Variants in NPC1 observed in about 807,000 individuals in gnomAD.
NPC1 encodes NPC intracellular cholesterol transporter 1, also known as Niemann-Pick C1 protein.
Under a neutral mutation model 140.4 loss-of-function variants are expected in NPC1, and 85 were observed. That is an observed-to-expected ratio of 0.61 (90% CI 0.51 to 0.72). The LOEUF is 0.72. Among genes scored for constraint, NPC1 ranks in the 30% least tolerant of loss-of-function variants. NPC1 has a pLI of 0.00. For missense variants in NPC1, 1,504 were observed against 1,623.8 expected, an observed-to-expected ratio of 0.93 and a Z score of 1.27; for synonymous variants, 656 against 624.8, an observed-to-expected ratio of 1.05 and a Z score of -0.74.
intron 20 of NPC1, 148 bp downstream of exon 20, chr18:23,538,394 G>T: frequency 1.0e-6 from 1 of 994,564 alleles, no homozygotes; most frequent in Non-Finnish European, 1.6e-6. Flanking sequence ...AGGTGTTTTC[G>T]GTTTTCCTGC....
chr18:23,527,831 T>C (rs1433963745), downstream of NPC1: 2 of 1,614,178 alleles, frequency 1.2e-6, no homozygotes, highest in Non-Finnish European at 1.7e-6. Context: ...CTGCCCGTGA[T>C]AGCCACTGTT....
At chr18:23,530,299 T>G, downstream of NPC1, 1 of 1,614,260 alleles carries the variant, frequency 6.2e-7, no homozygotes. Context: ...ATGCTGAAGG[T>G]AACTCTGATG....
chr18:23,552,622 C>G (rs2058890206), intron 9 of NPC1, among the ~76,000 whole-genome samples: 1 of 152,244 alleles, frequency 6.6e-6, no homozygotes, highest in African/African-American at 2.4e-5. Flanking sequence ...CAAGAGGCAA[C>G]TGGCAGTGCA....
Position 23,556,538 on chromosome 18 carries a change from G to C in NPC1, c.1031C>G (p.Ser344Cys). Residue 344 changes from serine to cysteine, a missense_variant, in exon 8 of 25, where the codon TCT becomes TGT. Ser to Cys is a moderately radical substitution (Grantham distance 112). Transcript: ENST00000269228. Reference sequence around the variant, plus strand: ...ACAGCCAGGGTTTCGGACGCAGAAAGACCCCCAGCGTGTGAACAGCCGCCT... The same window carrying C: ...ACAGCCAGGGTTTCGGACGCAGAAACACCCCCAGCGTGTGAACAGCCGCCT... ...CLRRLFTRWG[S>C]FCVRNPGCVI... 6.2e-7 allele frequency: 1 copy of C among 1,614,154 alleles called. No individual in the cohort carries two copies. Among genetic ancestry groups the C allele is most frequent in the Non-Finnish European group, 8.5e-7 (1 of 1,180,026 alleles).
chr18:23,527,044 T>C (rs1214266946), downstream of NPC1, among the ~76,000 whole-genome samples: 5 of 151,944 alleles, frequency 3.3e-5, no homozygotes, highest in African/African-American at 7.3e-5. Context: ...CACACACACC[T>C]CTTTCAAAAT....
At chr18:23,584,559 A>G (rs997318201) in intron 1 of NPC1, among the ~76,000 whole-genome samples, 16 of 152,226 alleles carry the variant, frequency 1.1e-4, no homozygotes, top group African/African-American at 3.6e-4. Flanking sequence ...AAAATACTTA[A>G]GAGATGGCTA....
rs114070977 is a variant in NPC1 at position 23,586,375 on chromosome 18, G to A, written c.-32C>T. The A allele has an allele frequency of 1.5e-3, 2,347 of 1,531,228 alleles. 23 individuals are homozygous for A. In the African/African-American group the frequency reaches 0.029, roughly 19 times the overall value. The allele number at this position is 1,531,228 out of a possible 1,614,324, so 94.9% of individuals were successfully genotyped here. A position where few individuals can be genotyped will look rare whatever the true frequency, so the allele number is the denominator to read the frequency against. On this transcript the variant is annotated 5_prime_UTR_variant, in exon 1 of 25. Coordinates refer to ENST00000269228, the MANE Select transcript of NPC1 (RefSeq NM_000271.5). ...GCCGCGCAAGGCTGCTGACGCCGGC[G>A]GCGTTCGGCTGGTTGGGCTCCCCGG... is the stretch of plus-strand genomic sequence containing the variant.
At chr18:23,509,211 C>A in intron 3 of NPC1, 1 of 1,426,128 alleles carries the variant, frequency 7.0e-7, no homozygotes, top group Non-Finnish European at 9.2e-7. Flanking sequence ...TGCCAACATT[C>A]TAGGATTCTG....
At chr18:23,519,599 G>A (rs775260681), downstream of NPC1, among the ~76,000 whole-genome samples, 2 of 152,148 alleles carry the variant, frequency 1.3e-5, no homozygotes, top group Non-Finnish European at 2.9e-5. Context: ...TCTTCCAGAT[G>A]GAAATGGGTT....
chr18:23,517,528 G>C (rs1197410671), downstream of NPC1, among the ~76,000 whole-genome samples: 3 of 152,084 alleles, frequency 2.0e-5, no homozygotes, highest in Non-Finnish European at 4.4e-5. Flanking sequence ...ACACAATAGA[G>C]ACTAATAAAA....
At chr18:23,553,967 C>T (rs966283155) in intron 9 of NPC1, among the ~76,000 whole-genome samples, 1 of 152,166 alleles carries the variant, frequency 6.6e-6, no homozygotes, top group Non-Finnish European at 1.5e-5. Flanking sequence ...TGAGACAGAA[C>T]AAAAGGCACC....
Position 23,561,257 on chromosome 18 carries a change from T to C in NPC1, c.631+103A>G. 10 of 1,200,484 alleles carry C rather than the reference T, an allele frequency of 8.3e-6. No individual in the cohort carries two copies. The South Asian group carries it at 1.2e-4, about 15-fold the overall frequency. 74.4% of individuals were successfully genotyped at this position (1,200,484 alleles called of 1,614,324 possible). A position where few individuals can be genotyped will look rare whatever the true frequency, so the allele number is the denominator to read the frequency against. ...GAACTCCTGGTCTTAAGCAATTCTCTTGCCTCAGTCTCCCCAAGCACTGGT... is the reference window on the plus strand; with the variant it reads ...GAACTCCTGGTCTTAAGCAATTCTCCTGCCTCAGTCTCCCCAAGCACTGGT... On this transcript the variant is annotated intron_variant, in intron 5 of 24. Coordinates refer to ENST00000269228, the MANE Select transcript of NPC1 (RefSeq NM_000271.5).
At chr18:23,580,427 T>C (rs1220448250) in intron 1 of NPC1, among the ~76,000 whole-genome samples, 2 of 152,202 alleles carry the variant, frequency 1.3e-5, no homozygotes, top group East Asian at 1.9e-4. Context: ...TCCTTCAATA[T>C]AAACTTGTTC....
rs752145311 is a variant in NPC1 at position 23,560,351 on chromosome 18, G to C, written c.761C>G (p.Pro254Arg). 5 of 1,614,216 alleles carry C rather than the reference G, an allele frequency of 3.1e-6. No homozygotes were observed. Among genetic ancestry groups the C allele is most frequent in the East Asian group, 4.5e-5 (2 of 44,882 alleles). Residue 254 changes from proline to arginine, a missense_variant, in exon 6 of 25, where the codon CCA becomes CGA. Coordinates refer to ENST00000269228, the MANE Select transcript of NPC1 (RefSeq NM_000271.5). ...GATCGTCCAGGGAGCAGGAGGAGGT[G>C]GGGGCTGGGGCTTGGGGCCACAGAC... The part of the protein sequence containing the change: ...SIVCGPKPQP[P>R]PPPAPWTILG...
At position 23,547,891 on chromosome 18, in the gene NPC1, T is replaced by A; in HGVS notation, c.1757+115A>T. On this transcript the variant is annotated intron_variant, in intron 11 of 24. Transcript: ENST00000269228. ...ATCATTAGTACCAAGTGAACAAAAC[T>A]ACGTAACTCAGATCTGCCATTGGTT... 9 of 787,808 alleles carry A rather than the reference T, an allele frequency of 1.1e-5. No individual in the cohort carries two copies. The South Asian group carries it at 1.2e-4, about 11-fold the overall frequency. The allele number at this position is 787,808 out of a possible 1,614,324, so 48.8% of individuals were successfully genotyped here.
chr18:23,567,119 T>G (rs968237108), intron 4 of NPC1, among the ~76,000 whole-genome samples: 1 of 152,218 alleles, frequency 6.6e-6, no homozygotes, highest in Non-Finnish European at 1.5e-5. Flanking sequence ...GTTTTGGCAC[T>G]TATGGACAAA....
chr18:23,527,670 T>A (rs562233414), downstream of NPC1: 12 of 739,698 alleles, frequency 1.6e-5, no homozygotes, highest in East Asian at 3.1e-4. Context: ...TAAAGTAGAG[T>A]GTCCTTTAAA....
In NPC1 at chr18:23,554,771, G is replaced by C; in HGVS notation, c.1540C>G (p.Leu514Val). ...CTTGCCACTTACCGTACGCAGTACA[G>C]AAAGTGCGTGTGGTAATCGGCATAC... is the stretch of plus-strand genomic sequence containing the variant. ...FVYADYHTHF[L>V]YCVRAPASLN... The change falls in exon 9 of 25, where the codon CTG (leucine) becomes GTG (valine). Residue 514 changes from leucine (L) to valine (V), a missense_variant. Coordinates refer to ENST00000269228, the MANE Select transcript of NPC1 (RefSeq NM_000271.5). The C allele has an allele frequency of 6.2e-7, 1 of 1,613,574 alleles. No homozygotes were observed.
In NPC1 at chr18:23,532,123, C is replaced by T. The variant is rs2145324124; in HGVS notation, c.*79G>A. On this transcript the variant is annotated 3_prime_UTR_variant, in exon 25 of 25. Transcript: ENST00000269228. ...TGGCACCATCCGGTGTTCAACTTGG[C>T]CTTGCCGATGCAGCACCCGTCCAGT... The T allele has an allele frequency of 1.2e-6, 2 of 1,613,914 alleles. No homozygotes were observed. Among genetic ancestry groups the T allele is most frequent in the South Asian group, 1.1e-5 (1 of 91,056 alleles).
Sources: gnomAD v4.1 joint callset for allele counts (sites outside exome capture counted in the v4.1 genomes callset) on GRCh38, gnomAD v4.1.1 for gene constraint, MANE v1.5 for transcripts, NCBI Gene and HGNC (gene_info 2026-07-23, HGNC 2026-07-21) for gene names.